PRDM11: variants seen among roughly 807,000 people sequenced by gnomAD.
PRDM11 encodes the protein PR domain-containing protein 11.
A neutral mutation model predicts 97.8 loss-of-function variants in PRDM11; 20 were observed. That is an observed-to-expected ratio of 0.20 (90% CI 0.14 to 0.30). The LOEUF is 0.30. Ranked by LOEUF, PRDM11 falls within the 10% of genes least tolerant of loss-of-function variation. The pLI, the probability that PRDM11 is intolerant of heterozygous loss-of-function variation, is 1.00. For missense variants in PRDM11, 1,139 were observed against 1,555.2 expected (o/e 0.73, Z 4.50); for synonymous variants, 599 against 637.7 (o/e 0.94, Z 0.91).
At chr11:45,101,567 A>AAAAAAAAAAGAAGAAGAAGAAG (rs767802218) in intron 1 of PRDM11, among the ~76,000 whole-genome samples, 30 of 96,834 alleles carry the variant, frequency 3.1e-4, no homozygotes, top group Non-Finnish European at 4.9e-4. Context: ...AAAAAAAAAA[A>AAAAAAAAAAGAAGAAGAAGAAG]AAGAAGAAGA....
chr11:45,145,185 T>G (rs558262618), upstream of PRDM11, among the ~76,000 whole-genome samples: 4 of 152,332 alleles, frequency 2.6e-5, no homozygotes, highest in South Asian at 8.3e-4. Context: ...TGGGTATTAC[T>G]GTGCACCACT....
intron 1 of PRDM11, among the ~76,000 whole-genome samples, chr11:45,097,768 G>A (rs1267889029): frequency 2.0e-5 from 3 of 152,178 alleles, no homozygotes; most frequent in Non-Finnish European, 2.9e-5. Context: ...TTGGCAACTG[G>A]GGCCACAGGC....
chr11:45,109,689 T>C (rs908748005), intron 1 of PRDM11, among the ~76,000 whole-genome samples: 5 of 152,184 alleles, frequency 3.3e-5, no homozygotes, highest in Admixed American at 6.5e-5. Flanking sequence ...GTCAGATCTT[T>C]CCAGGGAAAG....
upstream of PRDM11, among the ~76,000 whole-genome samples, chr11:45,146,261 T>TC (rs1278438899): frequency 6.6e-6 from 1 of 151,580 alleles, no homozygotes; most frequent in African/African-American, 2.4e-5. Context: ...ACGCGTCGAC[T>TC]CCCCCCGACT....
chr11:45,146,263 C>G (rs896518896), upstream of PRDM11, among the ~76,000 whole-genome samples: 10 of 152,244 alleles, frequency 6.6e-5, no homozygotes, highest in African/African-American at 2.4e-4. Context: ...GCGTCGACTC[C>G]CCCCGACTAT....
chr11:45,097,247 C>T (rs1039402295), intron 1 of PRDM11, among the ~76,000 whole-genome samples: 1 of 152,142 alleles, frequency 6.6e-6, no homozygotes, highest in Non-Finnish European at 1.5e-5. Flanking sequence ...GGCCATGTGA[C>T]CTTAAACAAG....
At chr11:45,200,026 G>T (rs1422697369) in intron 4 of PRDM11, among the ~76,000 whole-genome samples, 1 of 152,216 alleles carries the variant, frequency 6.6e-6, no homozygotes, top group Non-Finnish European at 1.5e-5. Flanking sequence ...GCTAGGCTGT[G>T]AGCTTTCTAA....
chr11:45,226,768 G>T lies in PRDM11; in HGVS notation c.2143G>T (p.Ala715Ser), dbSNP rs1565350882. The T allele has an allele frequency of 6.5e-7, 1 of 1,533,978 alleles. No individual in the cohort carries two copies. The highest frequency in any genetic ancestry group is 8.7e-7 in the Non-Finnish European group (1 of 1,146,736). Reference protein sequence around the residue: ...YLQALDRAFSALGIRLQDEKP... With the variant: ...YLQALDRAFSSLGIRLQDEKP... ...CCAGGCACTTGACCGGGCCTTCTCG[G>T]CCTTGGGCATCCGGTTGCAGGATGA... Residue 715 changes from alanine (A) to serine (S), a missense_variant, in exon 8 of 8, where the codon GCC becomes TCC. Coordinates refer to ENST00000683152, the MANE Select transcript of PRDM11 (RefSeq NM_001384648.1).
At chr11:45,163,856 G>T (rs555124295) in intron 1 of PRDM11, among the ~76,000 whole-genome samples, 1 of 152,336 alleles carries the variant, frequency 6.6e-6, no homozygotes, top group Non-Finnish European at 1.5e-5. Context: ...GGAGTTGAGG[G>T]TCAGATTCTG....
Position 45,183,388 on chromosome 11 carries a change from A to T in PRDM11, c.486+265A>T, listed in dbSNP as rs113536057. Among the ~76,000 whole-genome samples the T allele has an allele frequency of 8.3e-4, 127 of 152,206 alleles. 2 individuals are homozygous for T. The highest frequency in any genetic ancestry group is 1.0e-3 in the South Asian group (5 of 4,820). The stretch of plus-strand genomic sequence containing the variant: ...AGAACTCAGGGCAATTTCCCCATGA[A>T]TCCTCATGTGTGTGTCTGGTGGACC... On this transcript the variant is annotated intron_variant, in intron 4 of 7. Coordinates refer to ENST00000683152, the MANE Select transcript of PRDM11 (RefSeq NM_001384648.1).
intron 1 of PRDM11, among the ~76,000 whole-genome samples, chr11:45,123,337 CTTTAG>C (rs1333357116): frequency 2.0e-5 from 3 of 152,112 alleles, no homozygotes; most frequent in Admixed American, 6.5e-5. Flanking sequence ...TGCAGAAGCT[CTTTAG>C]TTTAGTTAGA....
At chr11:45,109,505 C>T (rs1186861695) in intron 1 of PRDM11, among the ~76,000 whole-genome samples, 1 of 152,152 alleles carries the variant, frequency 6.6e-6, no homozygotes, top group Non-Finnish European at 1.5e-5. Context: ...AATCAACTCT[C>T]CCTAGAAAGG....
intron 4 of PRDM11, among the ~76,000 whole-genome samples, chr11:45,191,127 TG>T (rs1379946852): frequency 1.3e-5 from 2 of 152,240 alleles, no homozygotes; most frequent in Admixed American, 6.5e-5. Flanking sequence ...TCCCCTGTAT[TG>T]TTTTTTTTCT....
chr11:45,094,463 G>A (rs1002236310), upstream of PRDM11, among the ~76,000 whole-genome samples: 1 of 151,820 alleles, frequency 6.6e-6, no homozygotes, highest in Non-Finnish European at 1.5e-5. Context: ...TGAGAGAGCA[G>A]GAGAAGGAAG....
intron 1 of PRDM11, among the ~76,000 whole-genome samples, chr11:45,176,040 A>G (rs1403387936): frequency 6.6e-6 from 1 of 152,168 alleles, no homozygotes; most frequent in Admixed American, 6.5e-5. Flanking sequence ...ATTTATAAAA[A>G]GTATTTATTA....
intron 5 of PRDM11, among the ~76,000 whole-genome samples, chr11:45,217,418 C>T (rs1380344565): frequency 6.6e-6 from 1 of 152,134 alleles, no homozygotes; most frequent in Non-Finnish European, 1.5e-5. Context: ...ATAAGAACAC[C>T]GATGTGTTGG....
chr11:45,145,422 T>G (rs575081566), upstream of PRDM11, among the ~76,000 whole-genome samples: 82 of 152,286 alleles, frequency 5.4e-4, no homozygotes, highest in Non-Finnish European at 8.8e-4. Context: ...TGAACGCCCA[T>G]CTGACCATGA....
intron 1 of PRDM11, among the ~76,000 whole-genome samples, chr11:45,112,043 G>A (rs1050582604): frequency 2.6e-5 from 4 of 151,930 alleles, no homozygotes; most frequent in Non-Finnish European, 5.9e-5. Context: ...TTAGTGCACC[G>A]GTCACCCAAG....
chr11:45,222,512 A>G (rs1252475896), intron 6 of PRDM11, among the ~76,000 whole-genome samples: 2 of 152,158 alleles, frequency 1.3e-5, no homozygotes, highest in Non-Finnish European at 2.9e-5. Context: ...AGTTATCTCC[A>G]TCTCTCCCCT....
Sources: allele counts gnomAD v4.1 joint callset (sites outside exome capture counted in the v4.1 genomes callset), GRCh38; gene constraint gnomAD v4.1.1; transcripts MANE v1.5; gene names NCBI Gene and HGNC (gene_info 2026-07-23, HGNC 2026-07-21).